Variants in TMPO observed in about 807,000 individuals in gnomAD.
TMPO encodes the protein thymopoietin, also known as LEM domain containing 4.
Under a neutral mutation model 45.4 loss-of-function variants are expected in TMPO, and 22 were observed. The ratio of observed to expected loss-of-function variants is 0.48; its 90% CI spans 0.35 to 0.69. The LOEUF (loss-of-function observed/expected upper bound fraction) is 0.69. Among genes scored for constraint, TMPO ranks in the 30% least tolerant of loss-of-function variants. TMPO has a pLI of 0.01. For missense variants in TMPO, 512 were observed against 548.8 expected, an observed-to-expected ratio of 0.93 and a Z score of 0.67; for synonymous variants, 241 against 204.1, an observed-to-expected ratio of 1.18 and a Z score of -1.54.
At chr12:98,521,521 G>GT (rs1414337437) in intron 1 of TMPO, among the ~76,000 whole-genome samples, 1 of 152,086 alleles carries the variant, frequency 6.6e-6, no homozygotes, top group Non-Finnish European at 1.5e-5. Flanking sequence ...TAAAAGTTTT[G>GT]TTTTTATTTT....
At chr12:98,524,348 C>T (rs1466452318) in intron 1 of TMPO, among the ~76,000 whole-genome samples, 1 of 152,092 alleles carries the variant, frequency 6.6e-6, no homozygotes, top group East Asian at 1.9e-4. Context: ...CTGAGGTGGG[C>T]AAATCACGAG....
At position 98,521,891 on chromosome 12, in the gene TMPO, A is replaced by G. The variant is rs569003751; in HGVS notation, c.279+5745A>G. 1.8e-4 allele frequency among the ~76,000 whole-genome samples: 27 copies of G among 152,210 alleles called. 2 individuals are homozygous for G. Among genetic ancestry groups the G allele is most frequent in the Non-Finnish European group, 2.5e-4 (17 of 68,014 alleles). ...ATTACAAGCGTGCACCACCATGCCC[A>G]GCTAATTTTTTTATTTTTAGTAGAG... On this transcript the variant is annotated intron_variant, in intron 1 of 8. Coordinates refer to ENST00000556029, the MANE Select transcript of TMPO (RefSeq NM_001032283.3).
intron 4 of TMPO, among the ~76,000 whole-genome samples, chr12:98,543,978 T>G (rs1355797317): frequency 6.6e-6 from 1 of 152,196 alleles, no homozygotes; most frequent in Admixed American, 6.5e-5. Flanking sequence ...GTGCTTTTTT[T>G]CCCATAATGT....
intron 3 of TMPO, chr12:98,532,977 A>C: frequency 6.2e-7 from 1 of 1,614,188 alleles, no homozygotes; most frequent in Non-Finnish European, 8.5e-7. Context: ...AACTACAGGC[A>C]GCTAAGAAAG....
At chr12:98,516,447 C>T in intron 1 of TMPO, 1 of 1,151,558 alleles carries the variant, frequency 8.7e-7, no homozygotes, top group Non-Finnish European at 1.1e-6. Context: ...CAGCCGCCTG[C>T]AGCGGGCGTT....
At chr12:98,530,176 TAA>T (rs879588209) in intron 2 of TMPO, among the ~76,000 whole-genome samples, 3 of 143,960 alleles carry the variant, frequency 2.1e-5, no homozygotes, top group Admixed American at 1.4e-4. Flanking sequence ...TGTCTCTATT[TAA>T]AAAAAAAAAA....
intron 4 of TMPO, among the ~76,000 whole-genome samples, chr12:98,543,143 A>C (rs1332734629): frequency 1.3e-5 from 2 of 152,208 alleles, no homozygotes; most frequent in Non-Finnish European, 2.9e-5. Context: ...CACTCCTGTC[A>C]CAGGATTAAA....
chr12:98,547,561 CA>C lies in TMPO; in HGVS notation c.1080-11del. 1.9e-6 allele frequency: 3 copies of C among 1,614,028 alleles called. No individual in the cohort carries two copies. The South Asian group carries it at 3.3e-5, about 18-fold the overall frequency. ...AAAATTATTTTTCTTTTCCTCCTTT[CA>C]CTCCCAACAGTGCTAGTTGCCGCAG... On this transcript the variant is annotated splice_polypyrimidine_tract_variant and intron_variant, in intron 8 of 8. Coordinates refer to ENST00000556029, the MANE Select transcript of TMPO (RefSeq NM_001032283.3).
intron 4 of TMPO, 60 bp downstream of exon 4, chr12:98,537,632 C>G (rs1225014073): frequency 7.7e-7 from 1 of 1,297,260 alleles, no homozygotes; most frequent in South Asian, 1.2e-5. Context: ...CAACACTAAT[C>G]CATGTTTTAG....
chr12:98,537,327 A>C, intron 3 of TMPO, 148 bp from the exon 4 acceptor site: 1 of 632,726 alleles, frequency 1.6e-6, no homozygotes, highest in Non-Finnish European at 2.7e-6. Context: ...ATTGCAGTTA[A>C]ACAATTTTGG....
At chr12:98,536,743 A>C (rs1877595737) in intron 3 of TMPO, among the ~76,000 whole-genome samples, 1 of 152,216 alleles carries the variant, frequency 6.6e-6, no homozygotes, top group Non-Finnish European at 1.5e-5. Flanking sequence ...AAGCCTATTA[A>C]AAAATACATA....
intron 7 of TMPO, among the ~76,000 whole-genome samples, chr12:98,546,155 A>G (rs1382128661): frequency 6.6e-6 from 1 of 152,230 alleles, no homozygotes. Context: ...TCCAATAACC[A>G]CATATATAAG....
chr12:98,547,931 G>A lies in TMPO; in HGVS notation c.*73G>A. 6.6e-7 allele frequency: 1 copy of A among 1,521,562 alleles called. No homozygotes were observed. Among genetic ancestry groups the A allele is most frequent in the Non-Finnish European group, 9.0e-7 (1 of 1,107,972 alleles). The allele number at this position is 1,521,562 out of a possible 1,614,324, so 94.3% of individuals were successfully genotyped here. Reference sequence around the variant, plus strand: ...TGTTGAAAAACATTTGTGTACACTTGTTGACTCCAAGAACTAAAAATAATG... The same window carrying A: ...TGTTGAAAAACATTTGTGTACACTTATTGACTCCAAGAACTAAAAATAATG... On this transcript the variant is annotated 3_prime_UTR_variant, in exon 9 of 9. Transcript: ENST00000556029.
At position 98,533,995 on chromosome 12, in the gene TMPO, T is replaced by C. The variant is rs1187731230; in HGVS notation, c.565+2157T>C. ...AGCATATGAAGCTGCAGCATCAGCA[T>C]TGCAGATTGCAACTCACACTGCCTT... On this transcript the variant is annotated intron_variant, in intron 3 of 8. Coordinates refer to ENST00000556029, the MANE Select transcript of TMPO (RefSeq NM_001032283.3). The C allele has an allele frequency of 3.7e-6, 6 of 1,608,512 alleles. No homozygotes were observed. Among genetic ancestry groups the C allele is most frequent in the South Asian group, 3.3e-5 (3 of 90,844 alleles).
intron 2 of TMPO, among the ~76,000 whole-genome samples, chr12:98,530,210 A>G (rs1455824018): frequency 6.6e-6 from 1 of 151,882 alleles, no homozygotes; most frequent in Non-Finnish European, 1.5e-5. Flanking sequence ...TGTAGTGCAC[A>G]CTTGTAGTCC....
intron 4 of TMPO, among the ~76,000 whole-genome samples, chr12:98,540,843 G>C (rs1369550619): frequency 1.3e-5 from 2 of 152,206 alleles, no homozygotes; most frequent in Admixed American, 1.3e-4. Flanking sequence ...CATCGTTTTA[G>C]GAGGTATAGA....
Position 98,533,796 on chromosome 12 carries a change from G to A in TMPO, c.565+1958G>A, listed in dbSNP as rs143845319. ...AATGGCAGCAAGTTGACAGGCAGCTGCCTTCACTGGCATGCAAATATCCAG... is the reference window on the plus strand; with the variant it reads ...AATGGCAGCAAGTTGACAGGCAGCTACCTTCACTGGCATGCAAATATCCAG... On this transcript the variant is annotated intron_variant, in intron 3 of 8. Transcript: ENST00000556029. 2 of 1,614,214 alleles carry A rather than the reference G, an allele frequency of 1.2e-6. No individual in the cohort carries two copies. Among genetic ancestry groups the A allele is most frequent in the Middle Eastern group, 3.3e-4 (2 of 6,062 alleles).
At chr12:98,519,540 A>T (rs925413021) in intron 1 of TMPO, among the ~76,000 whole-genome samples, 13 of 152,124 alleles carry the variant, frequency 8.5e-5, no homozygotes, top group African/African-American at 2.9e-4. Context: ...GTCTATTGGC[A>T]TGGTAATTAA....
rs575316861 is a variant in TMPO at position 98,547,894 on chromosome 12, A to G, written c.*36A>G. The G allele has an allele frequency of 2.4e-5, 38 of 1,608,222 alleles. 1 individual carries two copies. Among genetic ancestry groups the G allele is most frequent in the South Asian group, 8.9e-5 (8 of 89,894 alleles). On this transcript the variant is annotated 3_prime_UTR_variant, in exon 9 of 9. Transcript: ENST00000556029. ...TTTGGCACGTTCAACTTGGTCTCCT[A>G]TTTTCAATAACTGTTGAAAAACATT...
Sources: gnomAD v4.1 joint callset for allele counts (sites outside exome capture counted in the v4.1 genomes callset) on GRCh38, gnomAD v4.1.1 for gene constraint, MANE v1.5 for transcripts, NCBI Gene and HGNC (gene_info 2026-07-23, HGNC 2026-07-21) for gene names.